SKAP2: variants seen among roughly 807,000 people sequenced by gnomAD.
The protein encoded by SKAP2 is src kinase-associated phosphoprotein 2.
A neutral mutation model predicts 54.9 loss-of-function variants in SKAP2; 28 were observed. That is an observed-to-expected ratio of 0.51 (90% CI 0.38 to 0.70). The LOEUF (loss-of-function observed/expected upper bound fraction) is 0.70, where lower values mean the gene tolerates loss of function less well. Ranked by LOEUF, SKAP2 falls within the 30% of genes least tolerant of loss-of-function variation. SKAP2 has a pLI of 0.00. For missense variants in SKAP2, 356 were observed against 424.1 expected (o/e 0.84, Z 1.41); for synonymous variants, 137 against 134.3 (o/e 1.02, Z -0.14).
At chr7:26,701,880 CTTGT>C (rs200895801) in intron 9 of SKAP2, among the ~76,000 whole-genome samples, 2,715 of 152,014 alleles carry the variant, frequency 0.018, 79 homozygotes, top group African/African-American at 0.062. Context: ...TTTAAAAATA[CTTGT>C]TTGTCATTAA....
the SKAP2 span, among the ~76,000 whole-genome samples, chr7:26,661,782 C>A: frequency 1.6e-3 from 239 of 152,070 alleles, 1 homozygote; most frequent in African/African-American, 5.5e-3. Flanking sequence ...CATTTTTTTC[C>A]CTTGCTAGAT....
intron 4 of SKAP2, among the ~76,000 whole-genome samples, chr7:26,786,528 T>G (rs1354983061): frequency 1.7e-4 from 26 of 151,934 alleles, no homozygotes; most frequent in Admixed American, 1.7e-3. Context: ...AAAGTATCAG[T>G]CAGGTCAAGA....
intron 4 of SKAP2, among the ~76,000 whole-genome samples, chr7:26,793,916 G>A (rs1783717755): frequency 1.3e-5 from 2 of 152,204 alleles, no homozygotes; most frequent in African/African-American, 2.4e-5. Flanking sequence ...GGGCTGTCAG[G>A]AAATGTGCCT....
intron 6 of SKAP2, among the ~76,000 whole-genome samples, chr7:26,734,975 G>A (rs1392094757): frequency 6.6e-6 from 1 of 152,070 alleles, no homozygotes; most frequent in African/African-American, 2.4e-5. Context: ...CTCTCCACCA[G>A]GACATCTTCC....
At chr7:26,746,849 T>C (rs576439278) in intron 4 of SKAP2, among the ~76,000 whole-genome samples, 1 of 152,170 alleles carries the variant, frequency 6.6e-6, no homozygotes, top group African/African-American at 2.4e-5. Flanking sequence ...GCTCACAACA[T>C]ATTTTTTGTA....
At chr7:26,781,988 G>T (rs921346228) in intron 4 of SKAP2, among the ~76,000 whole-genome samples, 6 of 152,158 alleles carry the variant, frequency 3.9e-5, no homozygotes, top group African/African-American at 1.4e-4. Context: ...TTTATAGGAT[G>T]AGCTTATTAG....
intron 4 of SKAP2, among the ~76,000 whole-genome samples, chr7:26,771,456 G>C (rs1262778765): frequency 1.3e-5 from 2 of 152,182 alleles, no homozygotes. Flanking sequence ...CAAAGTTATA[G>C]TGAACTTGTG....
chr7:26,864,584 G>T lies in SKAP2; in HGVS notation c.-155C>A. ...ACTGCCGGGCCGGGGCTCACAACAA[G>T]GAAGTCACTGAATCTCCAGCGAGCT... is the stretch of plus-strand genomic sequence containing the variant. On this transcript the variant is annotated 5_prime_UTR_variant, in exon 1 of 13. Transcript: ENST00000345317. 1 of 1,408,412 alleles carries T rather than the reference G, an allele frequency of 7.1e-7. No individual in the cohort carries two copies. Among genetic ancestry groups the T allele is most frequent in the East Asian group, 2.8e-5 (1 of 35,634 alleles). The allele number at this position is 1,408,412 out of a possible 1,614,324, so 87.2% of individuals were successfully genotyped here. A position where few individuals can be genotyped will look rare whatever the true frequency, so the allele number is the denominator to read the frequency against.
chr7:26,815,281 A>G (rs997380796), intron 4 of SKAP2, among the ~76,000 whole-genome samples: 3 of 152,166 alleles, frequency 2.0e-5, no homozygotes, highest in South Asian at 2.1e-4. Context: ...GAAAACCTGT[A>G]CAATTAATTT....
rs545583352 is a variant in SKAP2 at position 26,763,784 on chromosome 7, C to T, written c.308-23820G>A. On this transcript the variant is annotated intron_variant, in intron 4 of 12. Coordinates refer to ENST00000345317, the MANE Select transcript of SKAP2 (RefSeq NM_003930.5). ...TTAGATGGTACAGCCTACTACACAC[C>T]TAGGCAATATTATATATAGCCTATT... 3.3e-5 allele frequency among the ~76,000 whole-genome samples: 5 copies of T among 149,254 alleles called. No individual in the cohort carries two copies. In the South Asian group the frequency reaches 1.1e-3, roughly 32 times the overall value.
chr7:26,736,060 T>C (rs1309198402), intron 6 of SKAP2, among the ~76,000 whole-genome samples: 2 of 152,068 alleles, frequency 1.3e-5, no homozygotes, highest in South Asian at 4.1e-4. Context: ...AATGCTAAAA[T>C]GGTAATTTTT....
At chr7:26,687,168 CTTGCTGAAACTCCCA>C (rs1786665330) in intron 10 of SKAP2, among the ~76,000 whole-genome samples, 1 of 150,044 alleles carries the variant, frequency 6.7e-6, no homozygotes, top group South Asian at 2.2e-4. Flanking sequence ...CCTCGATACG[CTTGCTGAAACTCCCA>C]TTAACACTAA....
Position 26,825,228 on chromosome 7 carries a change from G to C in SKAP2, c.307+18802C>G, listed in dbSNP as rs140075775. On this transcript the variant is annotated intron_variant, in intron 4 of 12. Transcript: ENST00000345317. ...ACTTATGGTATGCATTTGAGATACA[G>C]ATATTAATACTAGCCTTACTTTAAT... Among the ~76,000 whole-genome samples, 3 of 152,240 alleles carry C rather than the reference G, an allele frequency of 2.0e-5. No individual in the cohort carries two copies. In the East Asian group the frequency reaches 5.8e-4, roughly 29 times the overall value.
chr7:26,857,687 A>C, intron 1 of SKAP2: 1 of 985,482 alleles, frequency 1.0e-6, no homozygotes, highest in Non-Finnish European at 1.2e-6. Flanking sequence ...GTGAGCATGG[A>C]GAGCCGGGTC....
At chr7:26,703,648 G>A (rs558607296) in intron 9 of SKAP2, among the ~76,000 whole-genome samples, 15 of 152,240 alleles carry the variant, frequency 9.9e-5, no homozygotes, top group Non-Finnish European at 1.9e-4. Flanking sequence ...TATAAAATCT[G>A]CTTTAGATAA....
chr7:26,664,167 G>A (rs1176616293), downstream of SKAP2, among the ~76,000 whole-genome samples: 1 of 152,192 alleles, frequency 6.6e-6, no homozygotes, highest in Non-Finnish European at 1.5e-5. Flanking sequence ...AGGCTGGTGT[G>A]AGGCTTGGTT....
At chr7:26,687,462 T>C (rs1003174287) in intron 10 of SKAP2, among the ~76,000 whole-genome samples, 1 of 151,998 alleles carries the variant, frequency 6.6e-6, no homozygotes, top group African/African-American at 2.4e-5. Flanking sequence ...CACAGCTACA[T>C]ACATGTATGA....
intron 4 of SKAP2, among the ~76,000 whole-genome samples, chr7:26,832,796 G>C (rs1784622788): frequency 6.6e-6 from 1 of 152,158 alleles, no homozygotes; most frequent in South Asian, 2.1e-4. Flanking sequence ...CCTAAGCCCA[G>C]GAGGATACCA....
chr7:26,798,412 C>T (rs77959521), intron 4 of SKAP2, among the ~76,000 whole-genome samples: 6,752 of 151,830 alleles, frequency 0.044, 358 homozygotes, highest in East Asian at 0.28. Context: ...AATTGGCATA[C>T]TGAAGAAGGC....
Sources: allele counts gnomAD v4.1 joint callset (sites outside exome capture counted in the v4.1 genomes callset), GRCh38; gene constraint gnomAD v4.1.1; transcripts MANE v1.5; gene names NCBI Gene and HGNC (gene_info 2026-07-23, HGNC 2026-07-21).